HERC2: variants seen among roughly 807,000 people sequenced by gnomAD.
HERC2 encodes the protein HECT and RLD domain containing E3 ubiquitin protein ligase 2, also known as E3 ubiquitin-protein ligase HERC2.
In HERC2, 102 loss-of-function variants were observed where a neutral mutation model predicts 537.7. The ratio of observed to expected loss-of-function variants is 0.19; its 90% confidence interval spans 0.16 to 0.22. The LOEUF is 0.22. Ranked by LOEUF, HERC2 falls within the 10% of genes least tolerant of loss-of-function variation. HERC2 has a pLI of 1.00. For missense variants in HERC2, 4,236 were observed against 6,198.2 expected, an observed-to-expected ratio of 0.68 and a Z score of 10.63; for synonymous variants, 2,224 against 2,466.2, an observed-to-expected ratio of 0.90 and a Z score of 2.91.
chr15:28,113,411 G>C lies in HERC2; in HGVS notation c.14020-128C>G. 1 of 1,137,472 alleles carries C rather than the reference G, an allele frequency of 8.8e-7. No individual in the cohort carries two copies. Among genetic ancestry groups the C allele is most frequent in the Admixed American group, 2.0e-5 (1 of 49,914 alleles). The allele number at this position is 1,137,472 out of a possible 1,614,324, so 70.5% of individuals were successfully genotyped here. A position where few individuals can be genotyped will look rare whatever the true frequency, so the allele number is the denominator to read the frequency against. ...GGAAAGGTCTGGGGGCTCTGGGTGG[G>C]CCCACACACAGCCTCCTGCAGGCGG... is the stretch of plus-strand genomic sequence containing the variant. On this transcript the variant is annotated intron_variant, in intron 91 of 92. Transcript: ENST00000261609. The surrounding 1 kb of genome is among the most constrained non-coding windows in gnomAD (Gnocchi z 7.0).
At chr15:28,204,370 C>T (rs1898183388) in intron 45 of HERC2, among the ~76,000 whole-genome samples, 2 of 152,016 alleles carry the variant, frequency 1.3e-5, no homozygotes, top group Admixed American at 1.3e-4. Context: ...ACCTGTAATC[C>T]CAGCACTTTG....
rs1009919541 is a variant in HERC2, at chr15:28,295,509, C to A, written c.188-2487G>T. Among the ~76,000 whole-genome samples the A allele has an allele frequency of 3.3e-5, 5 of 152,158 alleles. No homozygotes were observed. In the South Asian group the frequency reaches 8.3e-4, roughly 25 times the overall value. ...GATTCTCCCAAGTTCAAGTGATTCT[C>A]GTGCCTCAGCCCCCAAGGAGCTGGG... On this transcript the variant is annotated intron_variant, in intron 3 of 92. Coordinates refer to ENST00000261609, the MANE Select transcript of HERC2 (RefSeq NM_004667.6).
chr15:28,258,913 C>T (rs953299550), intron 16 of HERC2, among the ~76,000 whole-genome samples: 5 of 151,946 alleles, frequency 3.3e-5, no homozygotes, highest in African/African-American at 4.8e-5. Context: ...CACCGCAGGC[C>T]CCACAGACTT....
At chr15:28,314,210 T>C (rs1257136331) in intron 2 of HERC2, among the ~76,000 whole-genome samples, 1 of 151,524 alleles carries the variant, frequency 6.6e-6, no homozygotes, top group East Asian at 1.9e-4. Flanking sequence ...GACCACATCA[T>C]TGAAAAATGA....
chr15:28,119,508 C>T (rs951690168), intron 86 of HERC2, among the ~76,000 whole-genome samples: 4 of 150,196 alleles, frequency 2.7e-5, no homozygotes, highest in Non-Finnish European at 5.9e-5. Flanking sequence ...GACTGGAGTA[C>T]GCTGGTATGA....
Position 28,130,571 on chromosome 15 carries a change from T to C in HERC2, c.12594A>G (p.Gly4198=), listed in dbSNP as rs148314808. Reference sequence around the variant, plus strand: ...GGGATCCGCATTCCACTTTAACTACTCCAAGACCAGTAAGAGAATCAATCT... The same window carrying C: ...GGGATCCGCATTCCACTTTAACTACCCCAAGACCAGTAAGAGAATCAATCT... ...PMKIDSLTGL[G]VVKVECGSQF... is the part of the protein sequence containing the mutation. The change falls in exon 82 of 93, where the codon GGA becomes GGG. Residue 4198 remains glycine, a synonymous_variant. Coordinates refer to ENST00000261609, the MANE Select transcript of HERC2 (RefSeq NM_004667.6). 2.6e-5 allele frequency: 42 copies of C among 1,613,602 alleles called. No homozygotes were observed. The Middle Eastern group carries it at 4.9e-4, about 19-fold the overall frequency.
intron 69 of HERC2, among the ~76,000 whole-genome samples, chr15:28,156,372 A>T (rs1893011749): frequency 6.6e-6 from 1 of 151,438 alleles, no homozygotes; most frequent in South Asian, 2.1e-4. Flanking sequence ...CATTTTCACG[A>T]TTTCCTATCC....
intron 38 of HERC2, among the ~76,000 whole-genome samples, chr15:28,217,624 C>T (rs988691290): frequency 1.2e-4 from 19 of 152,292 alleles, no homozygotes; most frequent in South Asian, 2.1e-4. Context: ...GTGCCTGTCC[C>T]CCAACTTCAC....
At chr15:28,117,176 A>G (rs765330848) in intron 86 of HERC2, 22 bp from the exon 87 acceptor site, 1 of 1,613,004 alleles carries the variant, frequency 6.2e-7, no homozygotes, top group South Asian at 1.1e-5. Context: ...GAAGCAAGCA[A>G]GCGTGAGGCC....
intron 11 of HERC2, 88 bp downstream of exon 11, chr15:28,269,160 C>T (rs1214898955): frequency 3.0e-6 from 3 of 987,114 alleles, no homozygotes; most frequent in Non-Finnish European, 4.5e-6. Flanking sequence ...AAATCAAACG[C>T]CTTAAAGAAA....
intron 70 of HERC2, among the ~76,000 whole-genome samples, chr15:28,152,342 G>A (rs1892546882): frequency 6.6e-6 from 1 of 152,180 alleles, no homozygotes; most frequent in South Asian, 2.1e-4. Context: ...AGTCAGTGAT[G>A]GATCAATATC....
chr15:28,111,861 C>T lies in HERC2; in HGVS notation c.14407G>A (p.Gly4803Arg). The change falls in exon 93 of 93, where the codon GGA becomes AGA. Residue 4803 changes from glycine (G) to arginine (R), a missense_variant. By Grantham distance (125) the Gly-to-Arg change is moderately radical (BLOSUM62 -2). Coordinates refer to ENST00000261609, the MANE Select transcript of HERC2 (RefSeq NM_004667.6). ...TDDYARIALT[G>R]EPAADDSSDD... Reference sequence around the variant, plus strand: ...CTGCTGTCGTCGGCGGCTGGCTCTCCTGTAAGTGCGATGCGAGCGTAGTCA... The same window carrying T: ...CTGCTGTCGTCGGCGGCTGGCTCTCTTGTAAGTGCGATGCGAGCGTAGTCA... The T allele has an allele frequency of 6.2e-7, 1 of 1,614,200 alleles. No homozygotes were observed. The highest frequency in any genetic ancestry group is 8.5e-7 in the Non-Finnish European group (1 of 1,180,040).
chr15:28,192,316 T>TA (rs1896928261), intron 52 of HERC2, among the ~76,000 whole-genome samples, 165 bp from the exon 53 acceptor site: 1 of 152,210 alleles, frequency 6.6e-6, no homozygotes. Flanking sequence ...AAGATATAGT[T>TA]ACACCAATTT....
intron 76 of HERC2, 139 bp downstream of exon 76, chr15:28,142,099 T>A: frequency 1.1e-6 from 1 of 911,292 alleles, no homozygotes; most frequent in Non-Finnish European, 1.7e-6. Context: ...AGTTCACTCA[T>A]TTTCACCTAT....
At position 28,215,697 on chromosome 15, in the gene HERC2, G is replaced by C. The variant is rs776538543; in HGVS notation, c.6134C>G (p.Ser2045Cys). 7.4e-6 allele frequency: 12 copies of C among 1,611,880 alleles called. No individual in the cohort carries two copies. The Admixed American group carries it at 2.0e-4, about 27-fold the overall frequency. ...LTPQVCGALS[S>C]PQWITLLMKV... Reference sequence around the variant, plus strand: ...CATGAGCAGCGTGATCCACTGCGGGGAGCTGAGGGCGCCGCATACCTGCGG... The same window carrying C: ...CATGAGCAGCGTGATCCACTGCGGGCAGCTGAGGGCGCCGCATACCTGCGG... The change falls in exon 39 of 93, where the codon TCC becomes TGC. Residue 2045 changes from serine to cysteine, a missense_variant. Around this residue, in one of 27 missense-constraint regions of HERC2, gnomAD observed 365 missense variants for 468.8 expected, o/e 0.78. Transcript: ENST00000261609.
At chr15:28,209,558 T>C (rs1310788970) in intron 44 of HERC2, among the ~76,000 whole-genome samples, 2 of 152,182 alleles carry the variant, frequency 1.3e-5, no homozygotes, top group African/African-American at 4.8e-5. Flanking sequence ...TTAGCCAGGA[T>C]GGTCTCGATC....
chr15:28,166,962 G>A (rs1421516956), intron 68 of HERC2, among the ~76,000 whole-genome samples: 2 of 152,148 alleles, frequency 1.3e-5, no homozygotes, highest in Non-Finnish European at 2.9e-5. Flanking sequence ...GAAGACAGAC[G>A]GATGAGAAGG....
chr15:28,152,745 G>A lies in HERC2; in HGVS notation c.10832C>T (p.Pro3611Leu), dbSNP rs941915573. 6.4e-7 allele frequency: 1 copy of A among 1,552,340 alleles called. No homozygotes were observed. The highest frequency in any genetic ancestry group is 1.4e-5 in the African/African-American group (1 of 73,094). ...AGGGTGGCTACTCTCCACCACCACAGGCTGAGAAGAGAGGCGGCCGCTCTG... is the reference window on the plus strand; with the variant it reads ...AGGGTGGCTACTCTCCACCACCACAAGCTGAGAAGAGAGGCGGCCGCTCTG... ...DSQSGRLSSQ[P>L]VVVESSHPYT... The change falls in exon 70 of 93, where the codon CCT becomes CTT. Residue 3611 changes from proline (P) to leucine (L), a missense_variant. Around this residue, in one of 27 missense-constraint regions of HERC2, gnomAD observed 356 missense variants for 450.9 expected, o/e 0.79. Coordinates refer to ENST00000261609, the MANE Select transcript of HERC2 (RefSeq NM_004667.6).
At chr15:28,123,987 T>C (rs1230962920) in intron 85 of HERC2, 50 bp downstream of exon 85, 2 of 1,416,638 alleles carry the variant, frequency 1.4e-6, no homozygotes, top group African/African-American at 1.4e-5. Flanking sequence ...TTGGGTTACA[T>C]GTACTGAAGA....
Sources: allele counts gnomAD v4.1 joint callset (sites outside exome capture counted in the v4.1 genomes callset), GRCh38; gene constraint gnomAD v4.1.1; regional missense constraint gnomAD v4.1.1; non-coding constraint Gnocchi (gnomAD v3.1); transcripts MANE v1.5; gene names NCBI Gene and HGNC (gene_info 2026-07-23, HGNC 2026-07-21).